The following STK4 variants were observed in gnomAD, a reference collection of about 807,000 sequenced individuals.
STK4 encodes serine/threonine-protein kinase 4.
In STK4, 30 loss-of-function variants were observed where a neutral mutation model predicts 64.9. The ratio of observed to expected loss-of-function variants is 0.46; its 90% CI spans 0.35 to 0.63. STK4 has a LOEUF of 0.63. Among genes scored for constraint, STK4 ranks in the 20% least tolerant of loss-of-function variants. The pLI is 0.01. For synonymous variants in STK4, 177 were observed against 199.0 expected (o/e 0.89, Z 0.93); for missense variants, 466 against 598.5 (o/e 0.78, Z 2.31).
chr20:45,015,761 T>G (rs1813312672), intron 9 of STK4, among the ~76,000 whole-genome samples: 2 of 152,186 alleles, frequency 1.3e-5, no homozygotes, highest in Non-Finnish European at 1.5e-5. Flanking sequence ...TCAGTTTCCT[T>G]GTCTGAAAAA....
In STK4 at chr20:45,011,729, ATTTTTT is replaced by A. The variant is rs869113711; in HGVS notation, c.1147+10388_1147+10393del. 2.8e-4 allele frequency among the ~76,000 whole-genome samples: 32 copies of A among 115,378 alleles called. 1 individual carries two copies. In the Middle Eastern group the frequency reaches 0.02, roughly 71 times the overall value. The allele number at this position is 115,378 out of a possible 152,430, so 75.7% of individuals were successfully genotyped here. A position where few individuals can be genotyped will look rare whatever the true frequency, so the allele number is the denominator to read the frequency against. On this transcript the variant is annotated intron_variant, in intron 9 of 10. Coordinates refer to ENST00000372806, the MANE Select transcript of STK4 (RefSeq NM_006282.5). ...CATACATATATATATATATATATATATTTTTTTTTTTTTTTTTAAGTCAAGTTGTTG... is the reference window on the plus strand; with the variant it reads ...CATACATATATATATATATATATATATTTTTTTTTTTAAGTCAAGTTGTTG...
intron 8 of STK4, 25 bp from the exon 9 acceptor site, chr20:45,001,142 A>G: frequency 2.5e-6 from 4 of 1,588,532 alleles, no homozygotes; most frequent in South Asian, 1.1e-5. Context: ...AATTAGCCCC[A>G]ATTTGAGATT....
chr20:45,066,181 T>TACACACACACACACACAC (rs11472596), intron 10 of STK4, among the ~76,000 whole-genome samples: 1 of 147,514 alleles, frequency 6.8e-6, no homozygotes, highest in African/African-American at 2.5e-5. Flanking sequence ...ATTATATATC[T>TACACACACACACACACAC]ACACACACAC....
chr20:45,020,251 G>C (rs1242503001), intron 9 of STK4, among the ~76,000 whole-genome samples: 1 of 152,128 alleles, frequency 6.6e-6, no homozygotes, highest in Non-Finnish European at 1.5e-5. Flanking sequence ...TAAGTGTAAG[G>C]CTTTTCCCCC....
rs796452660 is a variant in STK4 at position 45,019,181 on chromosome 20, TAATC to T, written c.1148-5791_1148-5788del. 8.3e-4 allele frequency among the ~76,000 whole-genome samples: 126 copies of T among 152,354 alleles called. 2 individuals are homozygous for T. Among genetic ancestry groups the T allele is most frequent in the African/African-American group, 2.8e-3 (118 of 41,582 alleles). Reference sequence around the variant, plus strand: ...TTTTTATCATCCCCTCAAAAAACTCTAATCCTGTTAGCAGTCACTTCTCATTTGC... The same window carrying T: ...TTTTTATCATCCCCTCAAAAAACTCTCTGTTAGCAGTCACTTCTCATTTGC... On this transcript the variant is annotated intron_variant, in intron 9 of 10. Coordinates refer to ENST00000372806, the MANE Select transcript of STK4 (RefSeq NM_006282.5).
chr20:45,008,491 A>G (rs1319606546), intron 9 of STK4, among the ~76,000 whole-genome samples: 1 of 152,224 alleles, frequency 6.6e-6, no homozygotes, highest in African/African-American at 2.4e-5. Context: ...TATTGTGAAT[A>G]GTGTGGTGGT....
chr20:44,967,669 G>C (rs540875843), intron 1 of STK4, among the ~76,000 whole-genome samples: 6 of 149,848 alleles, frequency 4.0e-5, no homozygotes, highest in Non-Finnish European at 8.9e-5. Context: ...TGTTCAGGGT[G>C]TGGAAGTGCA....
Position 44,972,129 on chromosome 20 carries a change from A to G in STK4, c.87A>G (p.Val29=), listed in dbSNP as rs779421618. 2 of 1,613,998 alleles carry G rather than the reference A, an allele frequency of 1.2e-6. No individual in the cohort carries two copies. The highest frequency in any genetic ancestry group is 2.2e-5 in the South Asian group (2 of 91,040). ...GTTTAACCAAACAACCAGAAGAAGT[A>G]TTTGATGTCTTAGAGAAACTTGGAG... ...EDSLTKQPEE[V]FDVLEKLGEG... Residue 29 remains valine (V), a synonymous_variant, in exon 2 of 11, where the codon GTA becomes GTG. Coordinates refer to ENST00000372806, the MANE Select transcript of STK4 (RefSeq NM_006282.5).
intron 6 of STK4, among the ~76,000 whole-genome samples, chr20:44,995,847 CTCTG>C (rs1226080341): frequency 2.6e-5 from 4 of 152,102 alleles, no homozygotes; most frequent in Non-Finnish European, 5.9e-5. Flanking sequence ...TACTCTCTCT[CTCTG>C]TCTGTCACTC....
At chr20:45,024,417 T>A (rs1172952719) in intron 9 of STK4, among the ~76,000 whole-genome samples, 2 of 152,144 alleles carry the variant, frequency 1.3e-5, no homozygotes, top group African/African-American at 4.8e-5. Context: ...TAGATAGTAT[T>A]TTTAAAGTTA....
At position 45,035,446 on chromosome 20, in the gene STK4, G is replaced by A. The variant is rs142710283; in HGVS notation, c.1305+10316G>A. 2.1e-3 allele frequency among the ~76,000 whole-genome samples: 317 copies of A among 152,240 alleles called. 3 individuals carry two copies. Among genetic ancestry groups the A allele is most frequent in the Non-Finnish European group, 3.5e-3 (235 of 67,982 alleles). ...TACTTTTCAGTCAGTTATCAGCTTT[G>A]CAAGTATTGTTGATTATTAGCTTTC... is the stretch of plus-strand genomic sequence containing the variant. On this transcript the variant is annotated intron_variant, in intron 10 of 10. Transcript: ENST00000372806.
rs2067378614 is a variant in STK4 at position 44,978,541 on chromosome 20, A to G, written c.215A>G (p.Lys72Arg). The change falls in exon 3 of 11, where the codon AAA (lysine) becomes AGA (arginine). Residue 72 changes from lysine (K) to arginine (R), a missense_variant. Physicochemically the swap from Lys to Arg is conservative, Grantham distance 26. Transcript: ENST00000372806. Reference sequence around the variant, plus strand: ...GAATCAGACCTCCAGGAGATAATCAAAGAAATCTCTATAATGCAGCAATGT... The same window carrying G: ...GAATCAGACCTCCAGGAGATAATCAGAGAAATCTCTATAATGCAGCAATGT... ...PVESDLQEII[K>R]EISIMQQCDS... 6.2e-7 allele frequency: 1 copy of G among 1,614,138 alleles called. No individual in the cohort carries two copies. Among genetic ancestry groups the G allele is most frequent in the East Asian group, 2.2e-5 (1 of 44,866 alleles).
intron 10 of STK4, among the ~76,000 whole-genome samples, chr20:45,065,134 TGTTGAG>T (rs1979449889): frequency 7.0e-6 from 1 of 143,752 alleles, no homozygotes; most frequent in African/African-American, 2.5e-5. Context: ...GTTACTAGTT[TGTTGAG>T]GTTTTTTTTT....
chr20:44,998,459 A>G (rs751205825), intron 7 of STK4, among the ~76,000 whole-genome samples: 1 of 152,210 alleles, frequency 6.6e-6, no homozygotes, highest in South Asian at 2.1e-4. Flanking sequence ...GATAAATATT[A>G]GCTATTATAA....
At chr20:45,024,922 ACCT>A in intron 9 of STK4, 48 bp from the exon 10 acceptor site, 1 of 1,465,770 alleles carries the variant, frequency 6.8e-7, no homozygotes, top group Non-Finnish European at 9.0e-7. Flanking sequence ...TATTAAACTT[ACCT>A]AAAATTTAGA....
In STK4 at chr20:45,077,686, C is replaced by T. The variant is rs1323262807; in HGVS notation, c.*2510C>T. On this transcript the variant is annotated 3_prime_UTR_variant, in exon 11 of 11. Transcript: ENST00000372806. ...ACAGGCATGAGCCACCGCTCCTGGC[C>T]TCTCTTTCTTTTTTAAACAAAGAAC... is the stretch of plus-strand genomic sequence containing the variant. 6.6e-6 allele frequency: 1 copy of T among 152,232 alleles called. No individual in the cohort carries two copies. Among genetic ancestry groups the T allele is most frequent in the African/African-American group, 2.4e-5 (1 of 41,448 alleles). The allele number at this position is 152,232 out of a possible 1,614,324, so 9.4% of individuals were successfully genotyped here.
chr20:44,973,597 A>G (rs1354601397), intron 2 of STK4, among the ~76,000 whole-genome samples: 1 of 152,238 alleles, frequency 6.6e-6, no homozygotes, highest in African/African-American at 2.4e-5. Context: ...ATAATTGACT[A>G]TGTAACTTAT....
chr20:45,070,882 T>C (rs1980008000), intron 10 of STK4, among the ~76,000 whole-genome samples: 2 of 108,202 alleles, frequency 1.8e-5, no homozygotes, highest in African/African-American at 4.1e-5. Flanking sequence ...CCAGACTCCG[T>C]CTCAAAAAAA....
At chr20:45,070,292 G>A (rs188139381) in intron 10 of STK4, among the ~76,000 whole-genome samples, 1 of 152,276 alleles carries the variant, frequency 6.6e-6, no homozygotes, top group East Asian at 1.9e-4. Context: ...ATTCATTTCT[G>A]TGTTTTTAAT....
Sources: allele counts gnomAD v4.1 joint callset (sites outside exome capture counted in the v4.1 genomes callset), GRCh38; gene constraint gnomAD v4.1.1; transcripts MANE v1.5; gene names NCBI Gene and HGNC (gene_info 2026-07-23, HGNC 2026-07-21).